The following VPS13A variants were observed in gnomAD, a reference collection of about 807,000 sequenced individuals.
VPS13A encodes the protein vacuolar protein sorting 13 homolog A.
VPS13A carries 264 observed loss-of-function variants against 390.9 expected under a neutral mutation model. The ratio of observed to expected loss-of-function variants is 0.68; its 90% CI spans 0.61 to 0.75. The LOEUF (loss-of-function observed/expected upper bound fraction) is 0.75, where lower values mean the gene tolerates loss of function less well. VPS13A is among the 30% of genes least tolerant of loss of function. The pLI is 0.00. For missense variants in VPS13A, 3,409 were observed against 3,733.9 expected (o/e 0.91, Z 2.27); for synonymous variants, 1,231 against 1,227.1 (o/e 1.00, Z -0.07).
intron 12 of VPS13A, 113 bp from the exon 13 acceptor site, chr9:77,221,072 C>A (rs980976689): frequency 9.8e-6 from 10 of 1,023,550 alleles, no homozygotes; most frequent in African/African-American, 1.6e-5. Context: ...GATAATATAT[C>A]ATTTTCCTAA....
Position 77,207,252 on chromosome 9 carries a change from T to TATATAA in VPS13A, c.385+1174_385+1175insTATAAA. On this transcript the variant is annotated intron_variant, in intron 5 of 71. Coordinates refer to ENST00000360280, the MANE Select transcript of VPS13A (RefSeq NM_033305.3). ...ATATATATATATATATATATATATA[T>TATATAA]AAAACGTGTTATATGTAACATAACA... Among the ~76,000 whole-genome samples the TATATAA allele has an allele frequency of 6.1e-3, 535 of 87,188 alleles. 36 individuals are homozygous for TATATAA. Among genetic ancestry groups the TATATAA allele is most frequent in the Admixed American group, 0.012 (83 of 7,132 alleles). The allele number at this position is 87,188 out of a possible 152,430, so 57.2% of individuals were successfully genotyped here.
intron 46 of VPS13A, among the ~76,000 whole-genome samples, chr9:77,333,002 T>C (rs1316490865): frequency 4.6e-5 from 7 of 152,166 alleles, no homozygotes; most frequent in Non-Finnish European, 1.0e-4. Flanking sequence ...TTTTATTGCT[T>C]AGTTCAGACT....
chr9:77,178,770 T>A (rs1379588567), intron 1 of VPS13A, among the ~76,000 whole-genome samples: 2 of 152,204 alleles, frequency 1.3e-5, no homozygotes, highest in Non-Finnish European at 2.9e-5. Context: ...CTTTGTGAAA[T>A]GAATTTCCCA....
At chr9:77,210,014 G>A (rs961589882) in intron 6 of VPS13A, among the ~76,000 whole-genome samples, 2 of 151,828 alleles carry the variant, frequency 1.3e-5, no homozygotes, top group East Asian at 1.9e-4. Flanking sequence ...TGTGTAACAC[G>A]AATACATTAA....
intron 67 of VPS13A, among the ~76,000 whole-genome samples, chr9:77,378,349 A>G (rs1475648909): frequency 6.6e-6 from 1 of 152,140 alleles, no homozygotes; most frequent in Non-Finnish European, 1.5e-5. Context: ...AGGTCTAGTT[A>G]GGCTGTTTCT....
At chr9:77,374,925 A>G (rs1167632642) in intron 67 of VPS13A, among the ~76,000 whole-genome samples, 1 of 152,068 alleles carries the variant, frequency 6.6e-6, no homozygotes, top group Non-Finnish European at 1.5e-5. Flanking sequence ...ATGTATTGTC[A>G]TCATATGAGC....
intron 13 of VPS13A, among the ~76,000 whole-genome samples, chr9:77,225,525 C>T (rs949004943): frequency 6.6e-6 from 1 of 152,134 alleles, no homozygotes; most frequent in African/African-American, 2.4e-5. Flanking sequence ...GGGTTACAGG[C>T]ATGAGCCACT....
intron 67 of VPS13A, among the ~76,000 whole-genome samples, chr9:77,374,819 T>A (rs537681096): frequency 6.6e-6 from 1 of 152,288 alleles, no homozygotes; most frequent in East Asian, 1.9e-4. Context: ...ATGATAAAAT[T>A]AATGTTAATT....
chr9:77,330,861 A>G (rs1830242399), intron 45 of VPS13A, among the ~76,000 whole-genome samples: 1 of 151,802 alleles, frequency 6.6e-6, no homozygotes, highest in Admixed American at 6.6e-5. Context: ...TTCTTCCTTG[A>G]GGTAATATCA....
At chr9:77,299,350 A>G (rs1470543156) in intron 33 of VPS13A, among the ~76,000 whole-genome samples, 1 of 152,182 alleles carries the variant, frequency 6.6e-6, no homozygotes, top group Non-Finnish European at 1.5e-5. Context: ...TACTTTGGGC[A>G]GTATGGCCAT....
At chr9:77,299,563 C>T (rs1828223051) in intron 33 of VPS13A, among the ~76,000 whole-genome samples, 1 of 152,156 alleles carries the variant, frequency 6.6e-6, no homozygotes, top group African/African-American at 2.4e-5. Flanking sequence ...ACCCAGCCAT[C>T]CCATTATTGG....
At chr9:77,341,969 G>A (rs1480768242) in intron 50 of VPS13A, among the ~76,000 whole-genome samples, 1 of 151,980 alleles carries the variant, frequency 6.6e-6, no homozygotes, top group Non-Finnish European at 1.5e-5. Context: ...TATATAGTAT[G>A]TTTCAAAGTG....
intron 59 of VPS13A, among the ~76,000 whole-genome samples, chr9:77,365,121 A>C (rs1298246637): frequency 6.6e-6 from 1 of 152,226 alleles, no homozygotes. Flanking sequence ...TACAAAATAC[A>C]AGTTGACTGT....
rs1828701808 is a variant in VPS13A at position 77,305,737 on chromosome 9, C to T, written c.3961-2208C>T. ...CAGATATTTGTTCTCTCCTGGGCCTCATCTTCTGTGCCAGGGAGAGGCTAG... is the reference window on the plus strand; with the variant it reads ...CAGATATTTGTTCTCTCCTGGGCCTTATCTTCTGTGCCAGGGAGAGGCTAG... On this transcript the variant is annotated intron_variant, in intron 34 of 71. Transcript: ENST00000360280. 3 of 152,748 alleles carry T rather than the reference C, an allele frequency of 2.0e-5. No homozygotes were observed. In the East Asian group the frequency reaches 5.8e-4, roughly 29 times the overall value. 9.5% of individuals were successfully genotyped at this position (152,748 alleles called of 1,614,324 possible).
Position 77,178,003 on chromosome 9 carries a change from G to A in VPS13A, c.100+199G>A, listed in dbSNP as rs922369834. 2.3e-5 allele frequency: 13 copies of A among 569,210 alleles called. No homozygotes were observed. The African/African-American group carries it at 2.3e-4, about 10-fold the overall frequency. The allele number at this position is 569,210 out of a possible 1,614,324, so 35.3% of individuals were successfully genotyped here. A position where few individuals can be genotyped will look rare whatever the true frequency, so the allele number is the denominator to read the frequency against. On this transcript the variant is annotated intron_variant, in intron 1 of 71. Coordinates refer to ENST00000360280, the MANE Select transcript of VPS13A (RefSeq NM_033305.3). ...TCCGCCCTCGAGTTGTTTATATTTT[G>A]GGGGAAAGGAGAGGGTCATGAGTGC...
intron 27 of VPS13A, among the ~76,000 whole-genome samples, chr9:77,281,144 G>C (rs747103197): frequency 1.4e-3 from 220 of 152,042 alleles, no homozygotes; most frequent in Non-Finnish European, 2.4e-3. Flanking sequence ...TGGGAGGGAG[G>C]GAAGGAGAGG....
intron 1 of VPS13A, among the ~76,000 whole-genome samples, chr9:77,197,441 A>T (rs1825068330): frequency 6.6e-6 from 1 of 152,214 alleles, no homozygotes; most frequent in African/African-American, 2.4e-5. Flanking sequence ...TGCTGGTCTC[A>T]TGTTTGGTGC....
intron 23 of VPS13A, among the ~76,000 whole-genome samples, chr9:77,263,069 G>A (rs1825845868): frequency 6.6e-6 from 1 of 150,696 alleles, no homozygotes; most frequent in East Asian, 2.0e-4. Flanking sequence ...AAGTGTTCCT[G>A]TTTTGCAACA....
intron 4 of VPS13A, among the ~76,000 whole-genome samples, 187 bp from the exon 5 acceptor site, chr9:77,205,791 C>T (rs1202900527): frequency 1.3e-5 from 2 of 152,028 alleles, no homozygotes; most frequent in African/African-American, 2.4e-5. Flanking sequence ...GGGGTTTCAC[C>T]GTGTTGGCCA....
Sources: allele counts gnomAD v4.1 joint callset (sites outside exome capture counted in the v4.1 genomes callset), GRCh38; gene constraint gnomAD v4.1.1; transcripts MANE v1.5; gene names NCBI Gene and HGNC (gene_info 2026-07-23, HGNC 2026-07-21).